CCM2: variants seen among roughly 807,000 people sequenced by gnomAD.
The protein encoded by CCM2 is cerebral cavernous malformations 2 protein.
In CCM2, 25 loss-of-function variants were observed where a neutral mutation model predicts 44.9. The observed-to-expected ratio is 0.56, with a 90% CI of 0.41 to 0.78. CCM2 has a LOEUF of 0.78. CCM2 is among the 30% of genes least tolerant of loss of function. The pLI is 0.00. For synonymous variants in CCM2, 219 were observed against 241.1 expected (o/e 0.91, Z 0.85); for missense variants, 481 against 580.6 (o/e 0.83, Z 1.76).
chr7:45,073,368 C>T (rs1660692977), intron 7 of CCM2, 92 bp from the exon 8 acceptor site: 3 of 798,060 alleles, frequency 3.8e-6, no homozygotes, highest in Non-Finnish European at 4.4e-6. Flanking sequence ...AGGACAGGGA[C>T]CCACACACAC....
chr7:45,043,777 ATTC>A, intron 2 of CCM2: 1 of 377,398 alleles, frequency 2.6e-6, no homozygotes, highest in Non-Finnish European at 5.0e-6. Context: ...CATTTTTCCT[ATTC>A]TTTACTCTTC....
intron 2 of CCM2, among the ~76,000 whole-genome samples, chr7:45,045,256 G>A (rs371837454): frequency 1.8e-4 from 27 of 152,258 alleles, no homozygotes; most frequent in African/African-American, 6.5e-4. Flanking sequence ...TTTCCATTCA[G>A]GCCCTGCTAT....
chr7:45,058,076 G>T (rs1183893462), intron 2 of CCM2, among the ~76,000 whole-genome samples: 2 of 152,212 alleles, frequency 1.3e-5, no homozygotes, highest in South Asian at 2.1e-4. Context: ...CCGTGTTTAC[G>T]TTGCTTGGAT....
intron 2 of CCM2, among the ~76,000 whole-genome samples, chr7:45,045,272 A>T (rs1162566299): frequency 6.6e-6 from 1 of 152,208 alleles, no homozygotes; most frequent in Non-Finnish European, 1.5e-5. Flanking sequence ...GCTATTGTGC[A>T]TGGGAACTTG....
intron 1 of CCM2, among the ~76,000 whole-genome samples, chr7:45,007,531 C>T (rs1795894979): frequency 6.6e-6 from 1 of 152,064 alleles, no homozygotes; most frequent in African/African-American, 2.4e-5. Context: ...AGCCTTGTGT[C>T]TGTGCCAAAA....
Position 45,000,310 on chromosome 7 carries a change from G to T in CCM2, c.-24G>T. 1 of 1,260,028 alleles carries T rather than the reference G, an allele frequency of 7.9e-7. No homozygotes were observed. 78.1% of individuals were successfully genotyped at this position (1,260,028 alleles called of 1,614,324 possible). A position where few individuals can be genotyped will look rare whatever the true frequency, so the allele number is the denominator to read the frequency against. On this transcript the variant is annotated 5_prime_UTR_variant, in exon 1 of 10. Transcript: ENST00000258781. ...GGGGCTCCCGGGGCGGGCCGGGCGGGCCGCGGGAGCCGCACGCGGCGATAT... is the reference window on the plus strand; with the variant it reads ...GGGGCTCCCGGGGCGGGCCGGGCGGTCCGCGGGAGCCGCACGCGGCGATAT...
chr7:45,003,264 C>T (rs1208452639), intron 1 of CCM2, among the ~76,000 whole-genome samples: 3 of 151,810 alleles, frequency 2.0e-5, no homozygotes, highest in Admixed American at 6.6e-5. Flanking sequence ...TTAGTAGAGA[C>T]GGGGTTTCTC....
At chr7:45,075,103 C>A (rs1799277838) in intron 9 of CCM2, among the ~76,000 whole-genome samples, 1 of 152,230 alleles carries the variant, frequency 6.6e-6, no homozygotes. Context: ...GCCCAGGGCT[C>A]CCCGCTCTTA....
intron 1 of CCM2, among the ~76,000 whole-genome samples, chr7:45,028,657 A>C (rs930351890): frequency 6.7e-6 from 1 of 149,780 alleles, no homozygotes; most frequent in African/African-American, 2.5e-5. Flanking sequence ...ACTCCGGCTC[A>C]AAAAAAAAGA....
At chr7:45,024,070 C>G (rs978420856) in intron 1 of CCM2, among the ~76,000 whole-genome samples, 7 of 152,102 alleles carry the variant, frequency 4.6e-5, no homozygotes, top group Non-Finnish European at 1.0e-4. Flanking sequence ...CTTGGCCTCC[C>G]AAAGTGCTGG....
chr7:45,026,565 T>G (rs1163065412), intron 1 of CCM2, among the ~76,000 whole-genome samples: 3 of 152,066 alleles, frequency 2.0e-5, no homozygotes, highest in Non-Finnish European at 4.4e-5. Flanking sequence ...TATGTTTATT[T>G]ATTGATCTGT....
intron 2 of CCM2, among the ~76,000 whole-genome samples, chr7:45,053,540 T>G (rs1049600513): frequency 2.8e-4 from 43 of 152,166 alleles, no homozygotes; most frequent in Non-Finnish European, 5.9e-4. Flanking sequence ...GATCCCAGGC[T>G]CCCCTGGCTA....
intron 4 of CCM2, chr7:45,068,155 G>A: frequency 2.1e-6 from 1 of 475,746 alleles, no homozygotes; most frequent in South Asian, 2.1e-5. Flanking sequence ...GGAGGTGACT[G>A]TTCTCAGGGT....
At chr7:45,025,620 G>A (rs994238373) in intron 1 of CCM2, among the ~76,000 whole-genome samples, 4 of 148,414 alleles carry the variant, frequency 2.7e-5, no homozygotes, top group Non-Finnish European at 4.4e-5. Context: ...CGCAACCTCC[G>A]CCTCCTGGGT....
At chr7:45,023,504 C>G (rs984566554) in intron 1 of CCM2, among the ~76,000 whole-genome samples, 1 of 152,092 alleles carries the variant, frequency 6.6e-6, no homozygotes, top group Non-Finnish European at 1.5e-5. Context: ...GAGCTGAGAT[C>G]GTGCCACTGG....
At chr7:45,069,779 G>T (rs772744146) in intron 5 of CCM2, 47 bp from the exon 6 acceptor site, 7 of 1,611,774 alleles carry the variant, frequency 4.3e-6, no homozygotes, top group Non-Finnish European at 5.9e-6. Flanking sequence ...CTGGGAAGGC[G>T]CAGTCTCCAG....
intron 2 of CCM2, among the ~76,000 whole-genome samples, chr7:45,053,520 TC>T (rs1200160350): frequency 2.6e-5 from 4 of 152,330 alleles, no homozygotes; most frequent in African/African-American, 9.6e-5. Context: ...TCTCCATAGA[TC>T]CCTGCATGGA....
rs150584796 is a variant in CCM2 at position 45,016,074 on chromosome 7, A to G, written c.30+15711A>G. ...CAACTTAAAAATTCAAGAAATGTACATATTTGGAAAGGATACTTTATTTCT... is the reference window on the plus strand; with the variant it reads ...CAACTTAAAAATTCAAGAAATGTACGTATTTGGAAAGGATACTTTATTTCT... On this transcript the variant is annotated intron_variant, in intron 1 of 9. Transcript: ENST00000258781. 4.1e-4 allele frequency among the ~76,000 whole-genome samples: 63 copies of G among 152,358 alleles called. No homozygotes were observed. The East Asian group carries it at 0.011, about 26-fold the overall frequency.
At position 45,073,468 on chromosome 7, in the gene CCM2, C is replaced by T; in HGVS notation, c.812C>T (p.Pro271Leu). 2 of 1,613,372 alleles carry T rather than the reference C, an allele frequency of 1.2e-6. No homozygotes were observed. The highest frequency in any genetic ancestry group is 1.1e-5 in the South Asian group (1 of 91,074). ...ACCACATTCTTTCGCAGCTGCTTCC[C>T]TGAATCTGTGGATGTGGGTGGTGCA... is the stretch of plus-strand genomic sequence containing the variant. The part of the protein sequence containing the change: ...YEVEASTFCF[P>L]ESVDVGGASP... Residue 271 changes from proline to leucine, a missense_variant, in exon 8 of 10, where the codon CCT becomes CTT. Physicochemically the swap from Pro to Leu is moderately conservative, Grantham distance 98 (BLOSUM62 -3). Coordinates refer to ENST00000258781, the MANE Select transcript of CCM2 (RefSeq NM_031443.4).
Sources: gnomAD v4.1 joint callset for allele counts (sites outside exome capture counted in the v4.1 genomes callset) on GRCh38, gnomAD v4.1.1 for gene constraint, MANE v1.5 for transcripts, NCBI Gene and HGNC (gene_info 2026-07-23, HGNC 2026-07-21) for gene names.